The following INPP5B variants were observed in gnomAD, a reference collection of about 807,000 sequenced individuals.
INPP5B encodes the protein type II inositol 1,4,5-trisphosphate 5-phosphatase.
INPP5B carries 90 observed loss-of-function variants against 118.5 expected under a neutral mutation model. The observed-to-expected ratio is 0.76, with a 90% confidence interval of 0.64 to 0.90. The LOEUF is 0.90. Ranked by LOEUF, INPP5B falls within the 40% of genes least tolerant of loss-of-function variation. The pLI, the probability that INPP5B is intolerant of heterozygous loss-of-function variation, is 0.00. For missense variants in INPP5B, 984 were observed against 1,125.6 expected, an observed-to-expected ratio of 0.87 and a Z score of 1.80; for synonymous variants, 385 against 418.9, an observed-to-expected ratio of 0.92 and a Z score of 0.99.
chr1:37,893,970 A>G (rs1412179518), intron 7 of INPP5B, among the ~76,000 whole-genome samples: 1 of 152,212 alleles, frequency 6.6e-6, no homozygotes, highest in African/African-American at 2.4e-5. Context: ...CAGAGTAAAT[A>G]TCCTAGGCTT....
At position 37,941,902 on chromosome 1, in the gene INPP5B, C is replaced by G. The variant is rs537433874; in HGVS notation, c.281-1104G>C. 2.1e-3 allele frequency among the ~76,000 whole-genome samples: 204 copies of G among 98,332 alleles called. 9 individuals carry two copies. The South Asian group carries it at 0.038, about 18-fold the overall frequency. 64.5% of individuals were successfully genotyped at this position (98,332 alleles called of 152,430 possible). Reference sequence around the variant, plus strand: ...GCAGTGAGCCGAGATCGCGCCACTGCACTCCAGCCTGGGCGACAGAGCGAG... The same window carrying G: ...GCAGTGAGCCGAGATCGCGCCACTGGACTCCAGCCTGGGCGACAGAGCGAG... On this transcript the variant is annotated intron_variant, in intron 5 of 23. Coordinates refer to ENST00000373024, the MANE Select transcript of INPP5B (RefSeq NM_005540.3).
intron 7 of INPP5B, among the ~76,000 whole-genome samples, chr1:37,894,965 G>A (rs940843904): frequency 6.6e-6 from 1 of 152,186 alleles, no homozygotes; most frequent in Non-Finnish European, 1.5e-5. Flanking sequence ...AGGAGAACTA[G>A]AATGGGTTAT....
chr1:37,881,455 C>T (rs184177395), intron 14 of INPP5B, among the ~76,000 whole-genome samples: 2 of 152,184 alleles, frequency 1.3e-5, no homozygotes, highest in South Asian at 2.1e-4. Flanking sequence ...TGGCACTACA[C>T]GGACTGGTGA....
chr1:37,881,394 A>G (rs933329650), intron 14 of INPP5B, among the ~76,000 whole-genome samples: 1 of 152,212 alleles, frequency 6.6e-6, no homozygotes, highest in Non-Finnish European at 1.5e-5. Flanking sequence ...TCACACTCTC[A>G]GCAAGATCAA....
intron 3 of INPP5B, among the ~76,000 whole-genome samples, chr1:37,945,132 A>T (rs1371012876): frequency 6.6e-6 from 1 of 151,890 alleles, no homozygotes; most frequent in Non-Finnish European, 1.5e-5. Context: ...CCCGTCTCTA[A>T]AAAAAAGATC....
chr1:37,902,192 G>A (rs890077754), intron 7 of INPP5B, among the ~76,000 whole-genome samples: 2 of 151,932 alleles, frequency 1.3e-5, no homozygotes, highest in Non-Finnish European at 2.9e-5. Context: ...TCACCATGTT[G>A]GCCATGGTGC....
intron 7 of INPP5B, among the ~76,000 whole-genome samples, chr1:37,923,265 A>G (rs540678487): frequency 6.6e-6 from 1 of 152,358 alleles, no homozygotes; most frequent in East Asian, 1.9e-4. Flanking sequence ...ATGTAGCTGA[A>G]TGAGAAGTCA....
intron 6 of INPP5B, among the ~76,000 whole-genome samples, chr1:37,939,953 C>G (rs1301167039): frequency 6.6e-6 from 1 of 152,136 alleles, no homozygotes; most frequent in African/African-American, 2.4e-5. Flanking sequence ...AATCCAAGGG[C>G]AGTCCCCTTC....
chr1:37,941,555 C>T (rs1173263116), intron 5 of INPP5B, among the ~76,000 whole-genome samples: 2 of 151,406 alleles, frequency 1.3e-5, no homozygotes, highest in Admixed American at 6.6e-5. Flanking sequence ...GTGGGAGGAT[C>T]GCTTGAGCCC....
intron 7 of INPP5B, among the ~76,000 whole-genome samples, chr1:37,903,714 G>A (rs1171762125): frequency 9.8e-6 from 1 of 102,090 alleles, no homozygotes; most frequent in Non-Finnish European, 2.2e-5. Flanking sequence ...GCAACAGAGA[G>A]AGACTCCGTC....
At position 37,875,676 on chromosome 1, in the gene INPP5B, T is replaced by C. The variant is rs891129877; in HGVS notation, c.1718A>G (p.Glu573Gly). The C allele has an allele frequency of 5.6e-6, 9 of 1,614,008 alleles. No homozygotes were observed. The Admixed American group carries it at 8.3e-5, about 15-fold the overall frequency. ...VNDELYRKTL[E>G]EIVRSLDKME... ...CTTATCCAGGGAGCGAACAATTTCC[T>C]CCAGTGTCTTCCGGTAAAGCTCGTC... The change falls in exon 17 of 24, where the codon GAG (glutamate) becomes GGG (glycine). Residue 573 changes from glutamate to glycine, a missense_variant. Glu to Gly is a moderately conservative substitution (Grantham distance 98). Coordinates refer to ENST00000373024, the MANE Select transcript of INPP5B (RefSeq NM_005540.3).
chr1:37,913,205 C>T (rs544128588), intron 7 of INPP5B, among the ~76,000 whole-genome samples: 2 of 152,168 alleles, frequency 1.3e-5, no homozygotes, highest in Middle Eastern at 3.4e-3. Context: ...TGCAGTGAGC[C>T]GAGATCACGC....
intron 8 of INPP5B, among the ~76,000 whole-genome samples, chr1:37,890,831 C>T (rs1312898909): frequency 1.3e-5 from 2 of 152,152 alleles, no homozygotes; most frequent in African/African-American, 4.8e-5. Flanking sequence ...GTTTCCCTAA[C>T]TGTAAAACAG....
At chr1:37,928,359 T>A (rs1645321121) in intron 7 of INPP5B, among the ~76,000 whole-genome samples, 1 of 151,180 alleles carries the variant, frequency 6.6e-6, no homozygotes, top group Non-Finnish European at 1.5e-5. Context: ...TTTTTGGGGT[T>A]TTTTTGTTTT....
At chr1:37,939,784 C>T (rs1306171987) in intron 6 of INPP5B, among the ~76,000 whole-genome samples, 3 of 152,100 alleles carry the variant, frequency 2.0e-5, no homozygotes, top group East Asian at 3.9e-4. Context: ...ACTCTGTTGC[C>T]CATGCTGCGG....
rs1643299430 is a variant in INPP5B, at chr1:37,883,015, T to C, written c.1320-97A>G. ...ACAAAGGCCCCTGAGGCTCAGCCTC[T>C]TGGGAGGTGGGTGGGAAAATGGCTC... On this transcript the variant is annotated intron_variant, in intron 13 of 23. Coordinates refer to ENST00000373024, the MANE Select transcript of INPP5B (RefSeq NM_005540.3). The C allele has an allele frequency of 4.6e-6, 7 of 1,507,618 alleles. No homozygotes were observed. In the East Asian group the frequency reaches 1.4e-4, roughly 31 times the overall value. 93.4% of individuals were successfully genotyped at this position (1,507,618 alleles called of 1,614,324 possible). A position where few individuals can be genotyped will look rare whatever the true frequency, so the allele number is the denominator to read the frequency against.
At chr1:37,879,630 T>G (rs1643070627) in intron 15 of INPP5B, among the ~76,000 whole-genome samples, 1 of 151,878 alleles carries the variant, frequency 6.6e-6, no homozygotes, top group South Asian at 2.1e-4. Context: ...TGGTGGCACA[T>G]GCCTGTAATC....
At chr1:37,906,387 T>G (rs1358662434) in intron 7 of INPP5B, among the ~76,000 whole-genome samples, 3 of 152,240 alleles carry the variant, frequency 2.0e-5, no homozygotes, top group Admixed American at 6.5e-5. Flanking sequence ...CTAAGATTTC[T>G]TAAGAAGCAG....
chr1:37,946,388 G>T, intron 1 of INPP5B, 54 bp from the exon 2 acceptor site: 1 of 1,382,566 alleles, frequency 7.2e-7, no homozygotes, highest in Non-Finnish European at 1.0e-6. Flanking sequence ...CGCATGGGGT[G>T]GTGGAGCTGC....
Sources: gnomAD v4.1 joint callset for allele counts (sites outside exome capture counted in the v4.1 genomes callset) on GRCh38, gnomAD v4.1.1 for gene constraint, MANE v1.5 for transcripts, NCBI Gene and HGNC (gene_info 2026-07-23, HGNC 2026-07-21) for gene names.